Variants in PLEKHN1 observed in about 807,000 individuals in gnomAD.
PLEKHN1 encodes pleckstrin homology domain containing N1, also known as pleckstrin homology domain-containing family N member 1.
A neutral mutation model predicts 72.8 loss-of-function variants in PLEKHN1; 68 were observed. That is an observed-to-expected ratio of 0.93 (90% CI 0.77 to 1.14). The LOEUF (loss-of-function observed/expected upper bound fraction) is 1.14, where lower values mean the gene tolerates loss of function less well. PLEKHN1 is among the 50% of genes most tolerant of loss of function. PLEKHN1 has a pLI of 0.00. For missense variants in PLEKHN1, 1,015 were observed against 840.5 expected, an observed-to-expected ratio of 1.21 and a Z score of -2.57; for synonymous variants, 454 against 371.6, an observed-to-expected ratio of 1.22 and a Z score of -2.55.
chr1:970,971 G>C lies in PLEKHN1; in HGVS notation c.577G>C (p.Gly193Arg). Residue 193 changes from glycine (G) to arginine (R), a missense_variant, in exon 6 of 16, where the codon GGG becomes CGG. Physicochemically the swap from Gly to Arg is moderately radical, Grantham distance 125. Coordinates refer to ENST00000379410, the MANE Select transcript of PLEKHN1 (RefSeq NM_032129.3). This position sits in a 1 kb window ranked among gnomAD's most constrained non-coding sequence, Gnocchi z 4.2. Reference sequence around the variant, plus strand: ...CCTGGAGAAGCAGACGGCCCTCCTCGGGGGGCCGCGGCGCTGCCACTCGGC... The same window carrying C: ...CCTGGAGAAGCAGACGGCCCTCCTCCGGGGGCCGCGGCGCTGCCACTCGGC... ...YHLEKQTALL[G>R]GPRRCHSAPP... is the part of the protein sequence containing the mutation. The C allele has an allele frequency of 3.7e-6, 6 of 1,605,534 alleles. No individual in the cohort carries two copies. Among genetic ancestry groups the C allele is most frequent in the Non-Finnish European group, 5.1e-6 (6 of 1,176,726 alleles).
In PLEKHN1 at chr1:973,931, C is replaced by T. The variant is rs373195552; in HGVS notation, c.1533C>T (p.Ser511=). The T allele has an allele frequency of 1.2e-6, 2 of 1,611,116 alleles. No homozygotes were observed. Among genetic ancestry groups the T allele is most frequent in the Non-Finnish European group, 1.7e-6 (2 of 1,179,906 alleles). ...SVPASDPRSC[S]SGPAGPYLLS... ...CTGCCTCTGACCCTCGCTCCTGCTCCTCCGGCCCCGCTGGCCCCTACTTGC... is the reference window on the plus strand; with the variant it reads ...CTGCCTCTGACCCTCGCTCCTGCTCTTCCGGCCCCGCTGGCCCCTACTTGC... Residue 511 remains serine (S), a synonymous_variant, in exon 14 of 16, where the codon TCC becomes TCT. Transcript: ENST00000379410.
At position 970,702 on chromosome 1, in the gene PLEKHN1, C is replaced by T. The variant is rs373726748; in HGVS notation, c.428C>T (p.Thr143Met). Reference protein sequence around the residue: ...GLTFQGLLPLTELSVCPLEGS... With the variant: ...GLTFQGLLPLMELSVCPLEGS... ...GCCTGGCAGGGGCTGTTACCGCTGACGGAGCTGAGTGTCTGCCCGCTCGAG... is the reference window on the plus strand; with the variant it reads ...GCCTGGCAGGGGCTGTTACCGCTGATGGAGCTGAGTGTCTGCCCGCTCGAG... The change falls in exon 5 of 16, where the codon ACG becomes ATG. Residue 143 changes from threonine (T) to methionine (M), a missense_variant. Thr to Met is a moderately conservative substitution (Grantham distance 81, BLOSUM62 -1). Coordinates refer to ENST00000379410, the MANE Select transcript of PLEKHN1 (RefSeq NM_032129.3). The surrounding 1 kb of genome is among the most constrained non-coding windows in gnomAD (Gnocchi z 4.2). 64 of 1,596,654 alleles carry T rather than the reference C, an allele frequency of 4.0e-5. No homozygotes were observed. Among genetic ancestry groups the T allele is most frequent in the Middle Eastern group, 1.7e-4 (1 of 6,006 alleles).
Position 970,892 on chromosome 1 carries a change from A to C in PLEKHN1, c.498A>C (p.Ala166=), listed in dbSNP as rs28507236. Residue 166 remains alanine, a synonymous_variant, in exon 6 of 16, where the codon GCA becomes GCC. Transcript: ENST00000379410. This position sits in a 1 kb window ranked among gnomAD's most constrained non-coding sequence, Gnocchi z 4.2. ...HAFQITGPLP[A]PLLVLCPSRA... ...CCCTGCCCGCAGGCCCACTGCCCGC[A>C]CCCCTCCTGGTGCTCTGCCCCAGCC... 0.1 allele frequency: 160,437 copies of C among 1,610,024 alleles called. 10,181 individuals carry two copies. Among genetic ancestry groups the C allele is most frequent in the East Asian group, 0.32 (14,308 of 44,790 alleles).
In PLEKHN1 at chr1:966,575, G is replaced by A. The variant is rs372654625; in HGVS notation, c.44G>A (p.Arg15Gln). The A allele has an allele frequency of 7.4e-6, 12 of 1,610,910 alleles. No individual in the cohort carries two copies. The highest frequency in any genetic ancestry group is 2.2e-5 in the East Asian group (1 of 44,828). The change falls in exon 1 of 16, where the codon CGG (arginine) becomes CAG (glutamine). Residue 15 changes from arginine to glutamine, a missense_variant. Physicochemically the swap from Arg to Gln is conservative, Grantham distance 43 (BLOSUM62 1). Coordinates refer to ENST00000379410, the MANE Select transcript of PLEKHN1 (RefSeq NM_032129.3). ...HCVPQAPRRL[R>Q]ASFSRKPSLK... Reference sequence around the variant, plus strand: ...GTCCCTCAGGCCCCCAGGAGGCTCCGGGCCTCCTTCTCCAGAAAGCCCTCG... The same window carrying A: ...GTCCCTCAGGCCCCCAGGAGGCTCCAGGCCTCCTTCTCCAGAAAGCCCTCG...
chr1:973,353 C>G (rs1643438641), intron 12 of PLEKHN1, 27 bp downstream of exon 12: 1 of 1,555,692 alleles, frequency 6.4e-7, no homozygotes, highest in African/African-American at 1.4e-5. Flanking sequence ...CACACAGCCC[C>G]TGGCCTGGTT....
Position 971,205 on chromosome 1 carries a change from A to G in PLEKHN1, c.705A>G (p.Ala235=). The G allele has an allele frequency of 6.3e-7, 1 of 1,575,262 alleles. No homozygotes were observed. Among genetic ancestry groups the G allele is most frequent in the Non-Finnish European group, 8.6e-7 (1 of 1,160,824 alleles). Residue 235 remains alanine (A), a synonymous_variant, in exon 7 of 16, where the codon GCA becomes GCG. Coordinates refer to ENST00000379410, the MANE Select transcript of PLEKHN1 (RefSeq NM_032129.3). ...GGGTCAAGCTGCAGCACCTGCCCGC[A>G]CAGGTGGGTGGGAGGTGCGTGGGGC... The part of the protein sequence containing the change: ...ASRVKLQHLP[A]QEQWDRLLVL...
rs1275020919 is a variant in PLEKHN1 at position 972,979 on chromosome 1, C to T, written c.1121C>T (p.Ser374Phe). 3 of 1,592,380 alleles carry T rather than the reference C, an allele frequency of 1.9e-6. No individual in the cohort carries two copies. The highest frequency in any genetic ancestry group is 2.3e-5 in the East Asian group (1 of 44,110). The change falls in exon 11 of 16, where the codon TCC (serine) becomes TTC (phenylalanine). Residue 374 changes from serine to phenylalanine, a missense_variant. Ser to Phe is a radical substitution (Grantham distance 155). Coordinates refer to ENST00000379410, the MANE Select transcript of PLEKHN1 (RefSeq NM_032129.3). The part of the protein sequence containing the change: ...SHSLPESSVP[S>F]TVGCSSQHTP... ...TCCCTGCCTGAGTCCTCAGTGCCAT[C>T]CACCGTGGGCTGCTCCTCCCAGCAC...
In PLEKHN1 at chr1:973,565, G is replaced by A. The variant is rs370926307; in HGVS notation, c.1359G>A (p.Ser453=). 4.8e-5 allele frequency: 77 copies of A among 1,613,068 alleles called. No homozygotes were observed. Among genetic ancestry groups the A allele is most frequent in the Non-Finnish European group, 6.0e-5 (71 of 1,179,952 alleles). ...APDHTSETSH[S]PLYADPYTPP... ...ACCACACTTCGGAAACATCACACTC[G>A]CCCCTCTATGCCGACCCCTACACAC... Residue 453 remains serine, a synonymous_variant, in exon 13 of 16, where the codon TCG becomes TCA. Transcript: ENST00000379410.
Position 972,908 on chromosome 1 carries a change from C to G in PLEKHN1, c.1050C>G (p.Ser350Arg). Residue 350 changes from serine to arginine, a missense_variant, in exon 11 of 16, where the codon AGC becomes AGG. Ser to Arg is a moderately radical substitution (Grantham distance 110). Coordinates refer to ENST00000379410, the MANE Select transcript of PLEKHN1 (RefSeq NM_032129.3). ...RGSLSSGGQT[S>R]WDSGCLAPPS... Reference sequence around the variant, plus strand: ...CACTCTCCTCAGGCGGACAGACCAGCTGGGACTCGGGGTGCTTGGCGCCCC... The same window carrying G: ...CACTCTCCTCAGGCGGACAGACCAGGTGGGACTCGGGGTGCTTGGCGCCCC... 1 of 1,560,354 alleles carries G rather than the reference C, an allele frequency of 6.4e-7. No homozygotes were observed. Among genetic ancestry groups the G allele is most frequent in the Non-Finnish European group, 8.7e-7 (1 of 1,152,030 alleles).
chr1:971,262 G>A (rs1265071693), intron 7 of PLEKHN1, 54 bp downstream of exon 7: 1 of 1,556,368 alleles, frequency 6.4e-7, no homozygotes, highest in South Asian at 1.2e-5. Context: ...CATGGTGGTG[G>A]GCAGGGCGGT....
chr1:973,432 GCA>G lies in PLEKHN1; in HGVS notation c.1294-65_1294-64del, dbSNP rs980182282. ...TCCTGGAGCCACCCAGAGGCCTCTT[GCA>G]CAGAGAAGGGGTGGCCTAGGCTGTT... is the stretch of plus-strand genomic sequence containing the variant. On this transcript the variant is annotated intron_variant, in intron 12 of 15. Transcript: ENST00000379410. 2.9e-5 allele frequency: 46 copies of G among 1,587,258 alleles called. No homozygotes were observed. The African/African-American group carries it at 5.8e-4, about 20-fold the overall frequency.
At chr1:966,967 G>C (rs1182784704) in intron 2 of PLEKHN1, among the ~76,000 whole-genome samples, 164 bp downstream of exon 2, 1 of 152,222 alleles carries the variant, frequency 6.6e-6, no homozygotes, top group African/African-American at 2.4e-5. Context: ...GAGCTCATCC[G>C]GCCGAAAGTC....
intron 2 of PLEKHN1, among the ~76,000 whole-genome samples, chr1:969,634 CTG>C (rs755226434): frequency 9.3e-5 from 13 of 140,198 alleles, no homozygotes; most frequent in South Asian, 4.3e-4. Flanking sequence ...GTATGTGCAA[CTG>C]TGTATGTGTG....
chr1:974,925 CAGAG>C lies in PLEKHN1; in HGVS notation c.*352_*355del, dbSNP rs555848153. 1.9e-5 allele frequency: 6 copies of C among 311,774 alleles called. No individual in the cohort carries two copies. The highest frequency in any genetic ancestry group is 1.3e-4 in the African/African-American group (6 of 47,154). 19.3% of individuals were successfully genotyped at this position (311,774 alleles called of 1,614,324 possible). On this transcript the variant is annotated 3_prime_UTR_variant, in exon 16 of 16. Coordinates refer to ENST00000379410, the MANE Select transcript of PLEKHN1 (RefSeq NM_032129.3). Reference sequence around the variant, plus strand: ...CAGCACGGGCGTGAAGGTCGGAGGACAGAGAAAGGTCAGCAGGGTCAGAGTATGT... The same window carrying C: ...CAGCACGGGCGTGAAGGTCGGAGGACAAAGGTCAGCAGGGTCAGAGTATGT...
At position 972,216 on chromosome 1, in the gene PLEKHN1, A is replaced by C. The variant is rs1225538536; in HGVS notation, c.865+66A>C. On this transcript the variant is annotated intron_variant, in intron 9 of 15. Coordinates refer to ENST00000379410, the MANE Select transcript of PLEKHN1 (RefSeq NM_032129.3). ...CCATGGTGGGGCGGGAGCCTGGGGG[A>C]CGCCCGACTCTTTAGTGGGGGCGCT... The C allele has an allele frequency of 6.2e-6, 10 of 1,601,094 alleles. No homozygotes were observed. In the African/African-American group the frequency reaches 1.3e-4, roughly 21 times the overall value.
At position 969,759 on chromosome 1, in the gene PLEKHN1, TTG is replaced by T. The variant is rs539032589; in HGVS notation, c.184-510_184-509del. 1.3e-3 allele frequency among the ~76,000 whole-genome samples: 199 copies of T among 151,462 alleles called. 2 individuals are homozygous for T. Among genetic ancestry groups the T allele is most frequent in the Middle Eastern group, 3.4e-3 (1 of 292 alleles). The stretch of plus-strand genomic sequence containing the variant: ...GTATTGTGTGGCATGTATGTGTCTA[TTG>T]TGTGTGTATGCATGTGTGCGTGTAT... On this transcript the variant is annotated intron_variant, in intron 2 of 15. Transcript: ENST00000379410.
In PLEKHN1 at chr1:966,564, C is replaced by T. The variant is rs1338240718; in HGVS notation, c.33C>T (p.Pro11=). The T allele has an allele frequency of 6.2e-7, 1 of 1,610,900 alleles. No homozygotes were observed. The highest frequency in any genetic ancestry group is 8.5e-7 in the Non-Finnish European group (1 of 1,178,632). The change falls in exon 1 of 16, where the codon CCC becomes CCT. Residue 11 remains proline, a synonymous_variant. Coordinates refer to ENST00000379410, the MANE Select transcript of PLEKHN1 (RefSeq NM_032129.3). ...ACAGCCACTGTGTCCCTCAGGCCCC[C>T]AGGAGGCTCCGGGCCTCCTTCTCCA... MGNSHCVPQA[P]RRLRASFSRK... is the part of the protein sequence containing the mutation.
rs1289182988 is a variant in PLEKHN1 at position 974,471 on chromosome 1, C to G, written c.1732C>G (p.Pro578Ala). The G allele has an allele frequency of 6.2e-7, 1 of 1,612,652 alleles. No individual in the cohort carries two copies. Among genetic ancestry groups the G allele is most frequent in the South Asian group, 1.1e-5 (1 of 91,086 alleles). Reference protein sequence around the residue: ...DGRSPRRSRDPGYDHLWDETL... With the variant: ...DGRSPRRSRDAGYDHLWDETL... ...TCGGTCCCCCAGGAGGAGCCGGGACCCCGGCTACGACCACCTCTGGGACGA... is the reference window on the plus strand; with the variant it reads ...TCGGTCCCCCAGGAGGAGCCGGGACGCCGGCTACGACCACCTCTGGGACGA... The change falls in exon 16 of 16, where the codon CCC becomes GCC. Residue 578 changes from proline to alanine, a missense_variant. Pro to Ala is a conservative substitution (Grantham distance 27). Transcript: ENST00000379410.
At chr1:967,017 CG>C (rs1643031343) in intron 2 of PLEKHN1, among the ~76,000 whole-genome samples, 2 of 152,116 alleles carry the variant, frequency 1.3e-5, no homozygotes, top group Middle Eastern at 3.2e-3. Flanking sequence ...CTGAGTCAGT[CG>C]GGAGAGAGCT....
Sources: gnomAD v4.1 joint callset for allele counts (sites outside exome capture counted in the v4.1 genomes callset) on GRCh38, gnomAD v4.1.1 for gene constraint, Gnocchi (gnomAD v3.1) non-coding constraint, MANE v1.5 for transcripts, NCBI Gene and HGNC (gene_info 2026-07-23, HGNC 2026-07-21) for gene names.